The following MSH3 variants were observed in gnomAD, a reference collection of about 807,000 sequenced individuals.
MSH3 encodes mutS homolog 3.
Under a neutral mutation model 123.3 loss-of-function variants are expected in MSH3, and 106 were observed. The observed-to-expected ratio is 0.86, with a 90% CI of 0.73 to 1.01. The LOEUF (loss-of-function observed/expected upper bound fraction) is 1.01, where lower values mean the gene tolerates loss of function less well. Among genes scored for constraint, MSH3 ranks in the 50% least tolerant of loss-of-function variants. The pLI, the probability that MSH3 is intolerant of heterozygous loss-of-function variation, is 0.00. For missense variants in MSH3, 1,459 were observed against 1,347.6 expected (o/e 1.08, Z -1.29); for synonymous variants, 515 against 481.4 (o/e 1.07, Z -0.91).
intron 7 of MSH3, among the ~76,000 whole-genome samples, chr5:80,675,694 C>T (rs836813): frequency 0.24 from 36,689 of 152,056 alleles, 4,521 homozygotes; most frequent in Middle Eastern, 0.31. Context: ...CAAACCATAT[C>T]AATACTCTAT....
intron 15 of MSH3, among the ~76,000 whole-genome samples, chr5:80,775,030 C>T (rs559904597): frequency 2.2e-4 from 33 of 152,218 alleles, no homozygotes; most frequent in African/African-American, 7.5e-4. Context: ...GTGATTATTA[C>T]GCATTGTATG....
In MSH3 at chr5:80,804,470, G is replaced by A. The variant is rs1744848318; in HGVS notation, c.2656-9114G>A. Among the ~76,000 whole-genome samples the A allele has an allele frequency of 5.3e-5, 8 of 152,374 alleles. No individual in the cohort carries two copies. The South Asian group carries it at 1.7e-3, about 32-fold the overall frequency. On this transcript the variant is annotated intron_variant, in intron 19 of 23. Transcript: ENST00000265081. Reference sequence around the variant, plus strand: ...GTTCTGATCTAAATCTGTGGTCACTGCAGCTATGTCTGCATTAGGGGGCAC... The same window carrying A: ...GTTCTGATCTAAATCTGTGGTCACTACAGCTATGTCTGCATTAGGGGGCAC...
intron 16 of MSH3, 141 bp downstream of exon 16, chr5:80,775,899 T>C: frequency 1.6e-6 from 1 of 617,986 alleles, no homozygotes; most frequent in South Asian, 1.8e-5. Flanking sequence ...ACTTTTTTTT[T>C]TTTTGGAGGG....
intron 3 of MSH3, among the ~76,000 whole-genome samples, chr5:80,668,792 C>A (rs986986378): frequency 6.6e-6 from 1 of 152,152 alleles, no homozygotes; most frequent in African/African-American, 2.4e-5. Flanking sequence ...CCTGCCTGCT[C>A]CCAGCCCCCA....
intron 13 of MSH3, among the ~76,000 whole-genome samples, chr5:80,762,840 G>T (rs367838189): frequency 9.9e-4 from 129 of 130,244 alleles, no homozygotes; most frequent in Middle Eastern, 8.2e-3. Context: ...GTTATTTTAT[G>T]TTATTTTATT....
At chr5:80,789,178 T>C (rs1303128022) in intron 18 of MSH3, among the ~76,000 whole-genome samples, 1 of 152,198 alleles carries the variant, frequency 6.6e-6, no homozygotes, top group East Asian at 1.9e-4. Context: ...CACCTAGGAT[T>C]TTATTTTAAA....
intron 18 of MSH3, among the ~76,000 whole-genome samples, chr5:80,787,966 A>G (rs966750075): frequency 7.2e-5 from 11 of 152,214 alleles, no homozygotes; most frequent in Non-Finnish European, 1.5e-4. Flanking sequence ...TAATTATAAA[A>G]GTTTGATTAG....
rs145977649 is a variant in MSH3 at position 80,760,705 on chromosome 5, A to G, written c.1764-841A>G. Among the ~76,000 whole-genome samples the G allele has an allele frequency of 2.6e-3, 391 of 152,332 alleles. 3 individuals carry two copies. Among genetic ancestry groups the G allele is most frequent in the African/African-American group, 9.0e-3 (376 of 41,578 alleles). ...TTTATTTCTTGCTAATATAAGTTCA[A>G]TTGGTAACAGATCCGGGAATGGTGG... is the stretch of plus-strand genomic sequence containing the variant. On this transcript the variant is annotated intron_variant, in intron 12 of 23. Coordinates refer to ENST00000265081, the MANE Select transcript of MSH3 (RefSeq NM_002439.5).
At chr5:80,855,646 C>T (rs1290826064) in intron 21 of MSH3, 1 of 152,126 alleles carries the variant, frequency 6.6e-6, no homozygotes, top group African/African-American at 2.4e-5. Flanking sequence ...CAGTTTCATA[C>T]ACTGTTTGGG....
intron 20 of MSH3, among the ~76,000 whole-genome samples, chr5:80,814,336 A>C (rs570974631): frequency 6.6e-6 from 1 of 152,164 alleles, no homozygotes; most frequent in Non-Finnish European, 1.5e-5. Context: ...CAATGGCACT[A>C]TCTCAGCTCA....
chr5:80,712,432 T>C (rs1196367603), intron 8 of MSH3, among the ~76,000 whole-genome samples: 1 of 152,198 alleles, frequency 6.6e-6, no homozygotes, highest in Non-Finnish European at 1.5e-5. Context: ...ATTCGAATTT[T>C]ATTTTTCCTG....
chr5:80,728,675 T>C (rs1743346316), intron 9 of MSH3, among the ~76,000 whole-genome samples, 176 bp from the exon 10 acceptor site: 1 of 152,226 alleles, frequency 6.6e-6, no homozygotes, highest in Non-Finnish European at 1.5e-5. Context: ...GATTTACATT[T>C]TTCCAAAGGT....
intron 20 of MSH3, among the ~76,000 whole-genome samples, chr5:80,835,135 A>T (rs1580079184): frequency 6.6e-6 from 1 of 152,254 alleles, no homozygotes; most frequent in Non-Finnish European, 1.5e-5. Flanking sequence ...TTGGAGAAAG[A>T]AATGACCAAA....
At chr5:80,699,025 A>C (rs2112836541) in intron 8 of MSH3, among the ~76,000 whole-genome samples, 1 of 152,306 alleles carries the variant, frequency 6.6e-6, no homozygotes, top group East Asian at 1.9e-4. Context: ...GGCATTACAC[A>C]GGGCCTGGAT....
At chr5:80,846,650 A>G (rs978954211) in intron 20 of MSH3, among the ~76,000 whole-genome samples, 2 of 152,274 alleles carry the variant, frequency 1.3e-5, no homozygotes, top group East Asian at 1.9e-4. Flanking sequence ...TCAAGCCACA[A>G]CGTCGCAGGT....
At position 80,791,131 on chromosome 5, in the gene MSH3, C is replaced by T. The variant is rs140504753; in HGVS notation, c.2544-1602C>T. Among the ~76,000 whole-genome samples the T allele has an allele frequency of 9.3e-3, 1,414 of 152,160 alleles. 7 individuals carry two copies. The highest frequency in any genetic ancestry group is 0.045 in the Middle Eastern group (13 of 292). On this transcript the variant is annotated intron_variant, in intron 18 of 23. Transcript: ENST00000265081. Reference sequence around the variant, plus strand: ...TCTTCTATCTTTTATAATATTTATTCACTAAAATTTACTTGATACAATTTA... The same window carrying T: ...TCTTCTATCTTTTATAATATTTATTTACTAAAATTTACTTGATACAATTTA...
intron 8 of MSH3, among the ~76,000 whole-genome samples, chr5:80,691,316 A>G (rs1263715092): frequency 1.3e-5 from 2 of 151,910 alleles, no homozygotes; most frequent in African/African-American, 4.8e-5. Context: ...AGAAAATGAA[A>G]AAAATTTTAA....
At chr5:80,827,512 CAGAA>C (rs1745340966) in intron 20 of MSH3, among the ~76,000 whole-genome samples, 1 of 152,128 alleles carries the variant, frequency 6.6e-6, no homozygotes, top group Non-Finnish European at 1.5e-5. Flanking sequence ...TCTTTATGGA[CAGAA>C]AGAAAACATC....
intron 16 of MSH3, among the ~76,000 whole-genome samples, chr5:80,776,807 TTC>T (rs1487200938): frequency 2.7e-5 from 4 of 150,516 alleles, no homozygotes; most frequent in African/African-American, 7.3e-5. Context: ...TGTACAGACA[TTC>T]TGTTTTAAGG....
Sources: gnomAD v4.1 joint callset for allele counts (sites outside exome capture counted in the v4.1 genomes callset) on GRCh38, gnomAD v4.1.1 for gene constraint, MANE v1.5 for transcripts, NCBI Gene and HGNC (gene_info 2026-07-23, HGNC 2026-07-21) for gene names.